The following MYO16 variants were observed in gnomAD, a reference collection of about 807,000 sequenced individuals.
MYO16 encodes the protein myosin XVI.
In MYO16, 94 loss-of-function variants were observed where a neutral mutation model predicts 205.3. That is an observed-to-expected ratio of 0.46 (90% CI 0.39 to 0.54). The LOEUF is 0.54. MYO16 is among the 20% of genes least tolerant of loss of function. The pLI, the probability that MYO16 is intolerant of heterozygous loss-of-function variation, is 0.00. For missense variants in MYO16, 2,315 were observed against 2,387.5 expected (o/e 0.97, Z 0.63); for synonymous variants, 988 against 954.0 (o/e 1.04, Z -0.66).
At chr13:108,983,772 G>T (rs1262714268) in intron 20 of MYO16, among the ~76,000 whole-genome samples, 1 of 152,152 alleles carries the variant, frequency 6.6e-6, no homozygotes, top group Non-Finnish European at 1.5e-5. Flanking sequence ...GAAGGGCATG[G>T]TGAGGCTTTA....
intron 12 of MYO16, among the ~76,000 whole-genome samples, chr13:108,880,227 A>T (rs1235440474): frequency 2.0e-5 from 3 of 151,940 alleles, no homozygotes; most frequent in Admixed American, 6.6e-5. Flanking sequence ...TTTTCTTGTA[A>T]ATTTGTTTGA....
chr13:108,640,054 G>A (rs957005485), intron 1 of MYO16, among the ~76,000 whole-genome samples: 1 of 152,208 alleles, frequency 6.6e-6, no homozygotes, highest in African/African-American at 2.4e-5. Flanking sequence ...TCAGGTGAGA[G>A]ATGCCTATTT....
intron 4 of MYO16, among the ~76,000 whole-genome samples, chr13:108,773,089 A>G (rs1266216739): frequency 6.6e-6 from 1 of 152,156 alleles, no homozygotes; most frequent in Non-Finnish European, 1.5e-5. Flanking sequence ...CTTACATGGT[A>G]GAAAAGGCGA....
intron 7 of MYO16, among the ~76,000 whole-genome samples, chr13:108,810,177 C>T (rs1887243578): frequency 6.6e-6 from 1 of 152,214 alleles, no homozygotes; most frequent in African/African-American, 2.4e-5. Flanking sequence ...AATTTTCTAA[C>T]TTCTGATACA....
At chr13:109,149,336 C>G (rs1877520075) in intron 32 of MYO16, among the ~76,000 whole-genome samples, 1 of 152,164 alleles carries the variant, frequency 6.6e-6, no homozygotes, top group African/African-American at 2.4e-5. Flanking sequence ...CCTTTCTCCC[C>G]CTGGACCCTT....
At chr13:108,584,895 C>T in the MYO16 span, among the ~76,000 whole-genome samples, 1 of 151,754 alleles carries the variant, frequency 6.6e-6, no homozygotes, top group African/African-American at 2.4e-5. Context: ...TAGAGTTGGC[C>T]CAATAGAGGT....
intron 7 of MYO16, among the ~76,000 whole-genome samples, chr13:108,815,469 G>A (rs1875522362): frequency 6.6e-6 from 1 of 152,130 alleles, no homozygotes. Flanking sequence ...TCAGAGACAT[G>A]CAATATTGCT....
intron 1 of MYO16, among the ~76,000 whole-genome samples, chr13:108,604,097 A>G (rs1189656861): frequency 1.3e-5 from 2 of 152,072 alleles, no homozygotes; most frequent in African/African-American, 4.8e-5. Flanking sequence ...CCCTTCTAAA[A>G]CCATCAGATC....
At chr13:108,623,276 G>A (rs937139315) in intron 1 of MYO16, among the ~76,000 whole-genome samples, 1 of 152,168 alleles carries the variant, frequency 6.6e-6, no homozygotes. Context: ...TGAGACTTCA[G>A]TTTGGAGAAA....
intron 20 of MYO16, among the ~76,000 whole-genome samples, chr13:108,991,804 A>C (rs1332635105): frequency 6.6e-6 from 1 of 152,270 alleles, no homozygotes; most frequent in Non-Finnish European, 1.5e-5. Flanking sequence ...AGGGAAAAGA[A>C]GTCCAACCTA....
At chr13:108,795,348 A>T (rs1886753963) in intron 6 of MYO16, among the ~76,000 whole-genome samples, 1 of 151,970 alleles carries the variant, frequency 6.6e-6, no homozygotes, top group African/African-American at 2.4e-5. Context: ...AGCTGGGACT[A>T]CAGGCGCATG....
Position 109,140,272 on chromosome 13 carries a change from C to T in MYO16, c.4060C>T (p.Arg1354Trp), listed in dbSNP as rs747927242. ...GTCCTTTCCTGCCGCAGCTCTGGCC[C>T]GGCCCAGACCGCACAGCGACGACTA... Reference protein sequence around the residue: ...AREAANEALARPRPHSDDYST... With the variant: ...AREAANEALAWPRPHSDDYST... Residue 1354 changes from arginine (R) to tryptophan (W), a missense_variant, in exon 32 of 35, where the codon CGG becomes TGG. Coordinates refer to ENST00000457511, the MANE Select transcript of MYO16 (RefSeq NM_001198950.3). The surrounding 1 kb of genome is among the most constrained non-coding windows in gnomAD (Gnocchi z 8.0). 21 of 1,599,430 alleles carry T rather than the reference C, an allele frequency of 1.3e-5. No homozygotes were observed. Among genetic ancestry groups the T allele is most frequent in the Admixed American group, 1.7e-5 (1 of 59,940 alleles).
intron 1 of MYO16, among the ~76,000 whole-genome samples, chr13:108,616,617 A>G (rs565718356): frequency 6.6e-6 from 1 of 152,240 alleles, no homozygotes; most frequent in African/African-American, 2.4e-5. Flanking sequence ...ATGTGCTCCT[A>G]GGGAATTAAG....
At chr13:108,629,507 G>T (rs191728034), upstream of MYO16, 235 of 245,376 alleles carry the variant, frequency 9.6e-4, no homozygotes, top group Non-Finnish European at 1.1e-3. Flanking sequence ...GCACACCTCC[G>T]TGCAGCAGAA....
At chr13:108,662,330 C>A (rs904076634) in intron 1 of MYO16, among the ~76,000 whole-genome samples, 2 of 152,146 alleles carry the variant, frequency 1.3e-5, no homozygotes, top group Admixed American at 6.5e-5. Flanking sequence ...TGGCAGTGGA[C>A]GGAACCCTAG....
At chr13:108,576,429 T>A in the MYO16 span, among the ~76,000 whole-genome samples, 1 of 152,164 alleles carries the variant, frequency 6.6e-6, no homozygotes, top group Non-Finnish European at 1.5e-5. Flanking sequence ...CTGGTAATAT[T>A]GTCTTCTGCT....
At chr13:109,068,161 C>T (rs1309281256) in intron 27 of MYO16, among the ~76,000 whole-genome samples, 1 of 152,144 alleles carries the variant, frequency 6.6e-6, no homozygotes, top group Non-Finnish European at 1.5e-5. Flanking sequence ...TAAAAAAATT[C>T]AGTCCCAGAA....
the MYO16 span, among the ~76,000 whole-genome samples, chr13:108,566,473 CT>C: frequency 9.1e-4 from 133 of 145,436 alleles, no homozygotes; most frequent in Non-Finnish European, 1.0e-3. Flanking sequence ...AAATAGCCAA[CT>C]TTTTTTTTTT....
At chr13:109,179,710 C>A in intron 34 of MYO16, 77 bp downstream of exon 34, 1 of 1,157,918 alleles carries the variant, frequency 8.6e-7, no homozygotes. Context: ...AACTTGTTAC[C>A]AATAGATGCT....
Sources: allele counts gnomAD v4.1 joint callset (sites outside exome capture counted in the v4.1 genomes callset), GRCh38; gene constraint gnomAD v4.1.1; non-coding constraint Gnocchi (gnomAD v3.1); transcripts MANE v1.5; gene names NCBI Gene and HGNC (gene_info 2026-07-23, HGNC 2026-07-21).